DOCK1: variants seen among roughly 807,000 people sequenced by gnomAD.
DOCK1 encodes dedicator of cytokinesis 1, also known as dedicator of cytokinesis protein 1.
A neutral mutation model predicts 262.7 loss-of-function variants in DOCK1; 138 were observed. The ratio of observed to expected loss-of-function variants is 0.53; its 90% CI spans 0.46 to 0.61. The LOEUF (loss-of-function observed/expected upper bound fraction) is 0.61, where lower values mean the gene tolerates loss of function less well. DOCK1 is among the 20% of genes least tolerant of loss of function. The pLI is 0.00. For missense variants in DOCK1, 1,908 were observed against 2,370.7 expected (o/e 0.80, Z 4.05); for synonymous variants, 866 against 867.4 (o/e 1.00, Z 0.03).
rs530832718 is a variant in DOCK1, at chr10:127,163,678, A to C, written c.2847+35914A>C. Among the ~76,000 whole-genome samples, 177 of 152,158 alleles carry C rather than the reference A, an allele frequency of 1.2e-3. 1 individual carries two copies. The highest frequency in any genetic ancestry group is 2.1e-3 in the Non-Finnish European group (146 of 68,010). On this transcript the variant is annotated intron_variant, in intron 27 of 51. Coordinates refer to ENST00000623213, the MANE Select transcript of DOCK1 (RefSeq NM_001290223.2). ...TAGTATTCATATTAGCCCATTTTAA[A>C]TTTCCTCAAACAAGTAGAAAAAAGA...
chr10:127,324,019 A>C (rs941849911), intron 29 of DOCK1, among the ~76,000 whole-genome samples: 3 of 152,134 alleles, frequency 2.0e-5, no homozygotes, highest in African/African-American at 4.8e-5. Context: ...TTGGTTCTTG[A>C]GGAGGGGGAG....
At chr10:126,936,998 G>A (rs1278141782) in intron 1 of DOCK1, among the ~76,000 whole-genome samples, 1 of 152,000 alleles carries the variant, frequency 6.6e-6, no homozygotes, top group African/African-American at 2.4e-5. Context: ...AACGAATCTA[G>A]GAACTTCATA....
chr10:127,172,839 T>C lies in DOCK1; in HGVS notation c.2847+45075T>C, dbSNP rs551984355. Among the ~76,000 whole-genome samples the C allele has an allele frequency of 3.5e-4, 54 of 152,332 alleles. No homozygotes were observed. The South Asian group carries it at 5.0e-3, about 14-fold the overall frequency. ...CCAGGCACTGTGCCATGTTCTGGGATACCGGAGTGAATGACATTTCGTGAT... is the reference window on the plus strand; with the variant it reads ...CCAGGCACTGTGCCATGTTCTGGGACACCGGAGTGAATGACATTTCGTGAT... On this transcript the variant is annotated intron_variant, in intron 27 of 51. Transcript: ENST00000623213.
At chr10:127,112,637 A>G (rs750027715) in intron 25 of DOCK1, among the ~76,000 whole-genome samples, 4 of 152,340 alleles carry the variant, frequency 2.6e-5, no homozygotes, top group African/African-American at 9.6e-5. Flanking sequence ...TGATCTTAGT[A>G]TAAGCAAGTT....
intron 29 of DOCK1, among the ~76,000 whole-genome samples, chr10:127,283,180 C>G (rs556983311): frequency 6.6e-6 from 1 of 152,354 alleles, no homozygotes; most frequent in Non-Finnish European, 1.5e-5. Context: ...GAATAATGAA[C>G]CATCAATTCT....
At chr10:126,988,636 A>G (rs991589971) in intron 5 of DOCK1, among the ~76,000 whole-genome samples, 1 of 152,216 alleles carries the variant, frequency 6.6e-6, no homozygotes, top group Non-Finnish European at 1.5e-5. Flanking sequence ...GCTCATAGTC[A>G]GTGGACCTAC....
intron 23 of DOCK1, among the ~76,000 whole-genome samples, chr10:127,093,791 G>GCTGCTATAA (rs1384691330): frequency 6.6e-6 from 1 of 152,046 alleles, no homozygotes; most frequent in Non-Finnish European, 1.5e-5. Flanking sequence ...TCCATTTTGT[G>GCTGCTATAA]CTGCTATAAC....
intron 25 of DOCK1, among the ~76,000 whole-genome samples, chr10:127,121,707 G>C (rs2049592613): frequency 6.6e-6 from 1 of 152,204 alleles, no homozygotes; most frequent in Admixed American, 6.5e-5. Flanking sequence ...AGGCAGCTGA[G>C]TGGCTACTGT....
At chr10:127,126,451 C>A (rs2049967259) in intron 26 of DOCK1, among the ~76,000 whole-genome samples, 1 of 152,126 alleles carries the variant, frequency 6.6e-6, no homozygotes, top group Admixed American at 6.5e-5. Flanking sequence ...TTGGTGCCAG[C>A]CCAGCGAAGT....
chr10:127,374,336 C>G, intron 35 of DOCK1, 122 bp downstream of exon 35: 1 of 1,277,972 alleles, frequency 7.8e-7, no homozygotes, highest in Middle Eastern at 2.2e-4. Context: ...GAACAATCTC[C>G]TTCGCTTGTT....
At chr10:127,055,613 C>A (rs573778761) in intron 22 of DOCK1, among the ~76,000 whole-genome samples, 1 of 152,298 alleles carries the variant, frequency 6.6e-6, no homozygotes, top group Admixed American at 6.5e-5. Context: ...TTCCTCATAC[C>A]TTCAACCCAG....
intron 25 of DOCK1, among the ~76,000 whole-genome samples, chr10:127,113,299 C>T (rs1293430159): frequency 6.6e-6 from 1 of 152,154 alleles, no homozygotes; most frequent in Non-Finnish European, 1.5e-5. Context: ...TAAACATCCT[C>T]TGGAGGATGT....
intron 2 of DOCK1, among the ~76,000 whole-genome samples, chr10:126,974,768 G>A (rs773159381): frequency 6.6e-6 from 1 of 152,122 alleles, no homozygotes; most frequent in Non-Finnish European, 1.5e-5. Context: ...GCTCATGGAG[G>A]ACAGAGATTG....
chr10:127,144,947 A>G, intron 27 of DOCK1, among the ~76,000 whole-genome samples: 1 of 151,580 alleles, frequency 6.6e-6, no homozygotes, highest in African/African-American at 2.4e-5. Context: ...TTATGATTAT[A>G]GTTTTTTTAA....
chr10:127,235,973 T>C (rs2059034837), intron 27 of DOCK1, among the ~76,000 whole-genome samples: 1 of 152,124 alleles, frequency 6.6e-6, no homozygotes, highest in Non-Finnish European at 1.5e-5. Flanking sequence ...GTTATTTTCT[T>C]CTTATTGGTT....
chr10:127,228,040 C>A (rs1413326563), intron 27 of DOCK1, among the ~76,000 whole-genome samples: 3 of 152,172 alleles, frequency 2.0e-5, no homozygotes, highest in Non-Finnish European at 4.4e-5. Context: ...TGCCTCTAAA[C>A]CCTAGCTTGA....
chr10:127,259,740 C>T (rs1307925271), intron 29 of DOCK1, among the ~76,000 whole-genome samples: 4 of 151,508 alleles, frequency 2.6e-5, no homozygotes, highest in Admixed American at 1.3e-4. Flanking sequence ...GCTCCTACTC[C>T]GAGGGTCTCC....
rs958959876 is a variant in DOCK1 at position 127,446,120 on chromosome 10, C to T, written c.5414-1274C>T. Among the ~76,000 whole-genome samples, 2 of 151,980 alleles carry T rather than the reference C, an allele frequency of 1.3e-5. No homozygotes were observed. The highest frequency in any genetic ancestry group is 6.6e-5 in the Admixed American group (1 of 15,248). Reference sequence around the variant, plus strand: ...CAATAATTAGCTGGGTGTGGTGGTGCGTGCCTATAATCTCAGCTACTCAGA... The same window carrying T: ...CAATAATTAGCTGGGTGTGGTGGTGTGTGCCTATAATCTCAGCTACTCAGA... On this transcript the variant is annotated intron_variant, in intron 50 of 51. Transcript: ENST00000623213. The surrounding 1 kb of genome is among the most constrained non-coding windows in gnomAD (Gnocchi z 4.4).
intron 1 of DOCK1, among the ~76,000 whole-genome samples, chr10:126,930,540 G>C (rs937263038): frequency 6.6e-6 from 1 of 152,194 alleles, no homozygotes; most frequent in Non-Finnish European, 1.5e-5. Context: ...CCGCTTTGCT[G>C]TTCTGTCTCC....
Sources: gnomAD v4.1 joint callset for allele counts (sites outside exome capture counted in the v4.1 genomes callset) on GRCh38, gnomAD v4.1.1 for gene constraint, Gnocchi (gnomAD v3.1) non-coding constraint, MANE v1.5 for transcripts, NCBI Gene and HGNC (gene_info 2026-07-23, HGNC 2026-07-21) for gene names.